SCML2: variants seen among roughly 807,000 people sequenced by gnomAD.
The protein encoded by SCML2 is sex comb on midleg-like protein 2.
A neutral mutation model predicts 48.4 loss-of-function variants in SCML2; 6 were observed. The observed-to-expected ratio is 0.12, with a 90% CI of 0.07 to 0.24. The LOEUF is 0.24. Among genes scored for constraint, SCML2 ranks in the 10% least tolerant of loss-of-function variants. SCML2 has a pLI of 1.00. For synonymous variants in SCML2, 181 were observed against 189.5 expected (o/e 0.95, Z 0.37); for missense variants, 377 against 528.2 (o/e 0.71, Z 2.81).
At chrX:18,273,190 C>T (rs1927516266) in intron 7 of SCML2, among the ~76,000 whole-genome samples, 1 of 111,238 alleles carries the variant, frequency 9.0e-6, no homozygotes, top group Non-Finnish European at 1.9e-5. Flanking sequence ...CTGCCTTCTC[C>T]CCCATCCCCA....
intron 6 of SCML2, among the ~76,000 whole-genome samples, chrX:18,311,011 A>ATACACT (rs1382699682): frequency 9.0e-6 from 1 of 111,707 alleles, no homozygotes; most frequent in Non-Finnish European, 1.9e-5. Flanking sequence ...AAAACATAAG[A>ATACACT]TACACTTTCT....
intron 7 of SCML2, among the ~76,000 whole-genome samples, chrX:18,291,806 AT>A (rs1928241625): frequency 8.9e-6 from 1 of 111,864 alleles, no homozygotes; most frequent in Admixed American, 9.5e-5. Flanking sequence ...AATTTATGGA[AT>A]TCAATTAATT....
intron 7 of SCML2, among the ~76,000 whole-genome samples, chrX:18,291,037 C>T (rs1602109847): frequency 2.7e-5 from 3 of 111,785 alleles, no homozygotes; most frequent in African/African-American, 9.7e-5. Context: ...ATATAAGATA[C>T]AGAAGAGGGG....
intron 3 of SCML2, 117 bp downstream of exon 3, chrX:18,330,470 T>C (rs1929619181): frequency 1.5e-5 from 5 of 342,338 alleles, no homozygotes; most frequent in Middle Eastern, 1.3e-3. Context: ...TACAGAAGTT[T>C]ACAGTATACA....
chrX:18,337,877 AAC>A (rs1441381344), intron 1 of SCML2, among the ~76,000 whole-genome samples: 2 of 111,765 alleles, frequency 1.8e-5, no homozygotes, highest in African/African-American at 6.5e-5. Flanking sequence ...AACACACCTT[AAC>A]ACACTTAAAA....
intron 7 of SCML2, among the ~76,000 whole-genome samples, chrX:18,293,033 T>C (rs920556230): frequency 9.0e-6 from 1 of 111,559 alleles, no homozygotes; most frequent in Non-Finnish European, 1.9e-5. Flanking sequence ...AAAAGAAAAG[T>C]AGTATGAAGC....
At chrX:18,353,282 T>C (rs114077863) in intron 1 of SCML2, among the ~76,000 whole-genome samples, 6,686 of 112,094 alleles carry the variant, frequency 0.06, 473 homozygotes, top group African/African-American at 0.2. Flanking sequence ...AAGAATTAAA[T>C]ATGCGTTTAT....
At chrX:18,346,304 G>A (rs1930199845) in intron 1 of SCML2, among the ~76,000 whole-genome samples, 1 of 110,184 alleles carries the variant, frequency 9.1e-6, no homozygotes, top group Non-Finnish European at 1.9e-5. Context: ...GTCAGGCTCC[G>A]TATGAGTTAC....
rs1199761226 is a variant in SCML2 at position 18,273,308 on chromosome X, A to G, written c.731-7506T>C. The stretch of plus-strand genomic sequence containing the variant: ...TTCTCTTGCCTGCTCAAGTGCATGC[A>G]TACTTGTGCACATGCCTGCATACTC... On this transcript the variant is annotated intron_variant, in intron 7 of 14. Coordinates refer to ENST00000251900, the MANE Select transcript of SCML2 (RefSeq NM_006089.3). Among the ~76,000 whole-genome samples, 3 of 111,202 alleles carry G rather than the reference A, an allele frequency of 2.7e-5. No homozygotes were observed. The Admixed American group carries it at 2.9e-4, about 11-fold the overall frequency.
At chrX:18,317,381 T>C (rs1288057029) in intron 6 of SCML2, among the ~76,000 whole-genome samples, 2 of 112,141 alleles carry the variant, frequency 1.8e-5, no homozygotes, top group Non-Finnish European at 3.8e-5. Context: ...TGAATTCTGA[T>C]GATCCATACT....
chrX:18,249,620 A>G (rs1026658387), intron 11 of SCML2, among the ~76,000 whole-genome samples: 5 of 111,633 alleles, frequency 4.5e-5, no homozygotes, highest in African/African-American at 6.5e-5. Flanking sequence ...GGCTGGCCAA[A>G]AAGCTTAAAA....
chrX:18,311,051 C>G (rs1321062388), intron 6 of SCML2, among the ~76,000 whole-genome samples: 2 of 111,723 alleles, frequency 1.8e-5, no homozygotes, highest in African/African-American at 3.2e-5. Flanking sequence ...AACATTTCCC[C>G]AAGTAGAAAG....
chrX:18,312,132 G>A (rs915389848), intron 6 of SCML2, among the ~76,000 whole-genome samples: 1 of 112,024 alleles, frequency 8.9e-6, no homozygotes, highest in Admixed American at 9.5e-5. Flanking sequence ...TTGCTGTGCT[G>A]ATGATAGCCT....
chrX:18,338,195 G>A (rs1249591851), intron 1 of SCML2, among the ~76,000 whole-genome samples: 1 of 111,908 alleles, frequency 8.9e-6, no homozygotes, highest in African/African-American at 3.2e-5. Flanking sequence ...TGTAATCCCA[G>A]CACTTTGGGA....
At chrX:18,299,550 A>G (rs1479276495) in intron 7 of SCML2, among the ~76,000 whole-genome samples, 2 of 110,632 alleles carry the variant, frequency 1.8e-5, no homozygotes, top group African/African-American at 3.3e-5. Flanking sequence ...GGATCTGAAT[A>G]GACACTTCTC....
chrX:18,277,119 G>A (rs1927672507), intron 7 of SCML2, among the ~76,000 whole-genome samples: 1 of 111,632 alleles, frequency 9.0e-6, no homozygotes, highest in East Asian at 2.8e-4. Context: ...CACCCAGGCT[G>A]GAGTGCAGTG....
chrX:18,278,152 G>A (rs746368732), intron 7 of SCML2, among the ~76,000 whole-genome samples: 1 of 111,660 alleles, frequency 9.0e-6, no homozygotes, highest in Admixed American at 9.5e-5. Context: ...AGTGAGACCC[G>A]ATTTTGAAAT....
intron 1 of SCML2, among the ~76,000 whole-genome samples, chrX:18,347,167 G>T (rs761296601): frequency 8.9e-6 from 1 of 111,881 alleles, no homozygotes; most frequent in South Asian, 3.7e-4. Context: ...AGAACAAGCC[G>T]GGTGCGGTGG....
At chrX:18,315,127 A>G (rs909843058) in intron 6 of SCML2, among the ~76,000 whole-genome samples, 2 of 103,304 alleles carry the variant, frequency 1.9e-5, no homozygotes, top group Non-Finnish European at 3.9e-5. Context: ...AAAAAAAAAA[A>G]GTAGAAGAAT....
Sources: gnomAD v4.1 joint callset for allele counts (sites outside exome capture counted in the v4.1 genomes callset) on GRCh38, gnomAD v4.1.1 for gene constraint, MANE v1.5 for transcripts, NCBI Gene and HGNC (gene_info 2026-07-23, HGNC 2026-07-21) for gene names.